Variants in TAF12 observed in about 807,000 individuals in gnomAD.
TAF12 encodes the protein transcription initiation factor TFIID subunit 12.
TAF12 carries 3 observed loss-of-function variants against 20.8 expected under a neutral mutation model. The ratio of observed to expected loss-of-function variants is 0.14; its 90% CI spans 0.07 to 0.37. The LOEUF (loss-of-function observed/expected upper bound fraction) is 0.37, where lower values mean the gene tolerates loss of function less well. Among genes scored for constraint, TAF12 ranks in the 10% least tolerant of loss-of-function variants. The pLI is 1.00. For missense variants in TAF12, 131 were observed against 197.9 expected, an observed-to-expected ratio of 0.66 and a Z score of 2.03; for synonymous variants, 69 against 70.2, an observed-to-expected ratio of 0.98 and a Z score of 0.09.
chr1:28,609,278 G>A (rs1054761297), intron 4 of TAF12, among the ~76,000 whole-genome samples: 6 of 151,726 alleles, frequency 4.0e-5, no homozygotes, highest in Non-Finnish European at 7.4e-5. Flanking sequence ...GTTTCTCCAC[G>A]TTGGTCAGGC....
At chr1:28,643,945 G>A (rs1032815498), upstream of TAF12, among the ~76,000 whole-genome samples, 3 of 152,028 alleles carry the variant, frequency 2.0e-5, no homozygotes, top group Admixed American at 1.3e-4. Context: ...CAGCTACTCC[G>A]GAGGCTGACG....
intron 1 of TAF12, among the ~76,000 whole-genome samples, chr1:28,634,405 G>A (rs1455096925): frequency 1.8e-5 from 2 of 112,720 alleles, no homozygotes; most frequent in Admixed American, 1.2e-4. Flanking sequence ...GACAGAGCGA[G>A]ACTCCATCTC....
At chr1:28,610,981 A>C (rs1478983959) in intron 4 of TAF12, among the ~76,000 whole-genome samples, 9 of 92,798 alleles carry the variant, frequency 9.7e-5, no homozygotes, top group Admixed American at 4.4e-4. Flanking sequence ...AAAAAAAAAA[A>C]AACACAGGTG....
At chr1:28,631,075 A>G (rs1023903860) in intron 1 of TAF12, among the ~76,000 whole-genome samples, 1 of 151,450 alleles carries the variant, frequency 6.6e-6, no homozygotes, top group African/African-American at 2.4e-5. Context: ...AAGATATGTC[A>G]TAGATTAGGA....
intron 3 of TAF12, among the ~76,000 whole-genome samples, chr1:28,616,059 C>T (rs1017870279): frequency 1.3e-5 from 2 of 152,146 alleles, no homozygotes; most frequent in Non-Finnish European, 2.9e-5. Flanking sequence ...CCAAATCCAT[C>T]AATTATACTT....
At chr1:28,632,701 G>A (rs1252903251) in intron 1 of TAF12, among the ~76,000 whole-genome samples, 1 of 152,080 alleles carries the variant, frequency 6.6e-6, no homozygotes, top group Non-Finnish European at 1.5e-5. Flanking sequence ...GTCTGGGGCA[G>A]AGGAGCGTTT....
At chr1:28,637,758 T>G (rs1453343857) in intron 1 of TAF12, among the ~76,000 whole-genome samples, 1 of 152,180 alleles carries the variant, frequency 6.6e-6, no homozygotes, top group East Asian at 1.9e-4. Context: ...AAAGTCTGTC[T>G]GCCTCCAACA....
At chr1:28,635,357 G>C (rs919556456) in intron 1 of TAF12, among the ~76,000 whole-genome samples, 1 of 117,906 alleles carries the variant, frequency 8.5e-6, no homozygotes, top group African/African-American at 3.3e-5. Flanking sequence ...CCAGGCTACA[G>C]TGCAGTGGCG....
At chr1:28,603,908 CTT>C (rs199949896) in intron 5 of TAF12, among the ~76,000 whole-genome samples, 11 of 143,636 alleles carry the variant, frequency 7.7e-5, no homozygotes, top group Non-Finnish European at 7.6e-5. Context: ...TTCTTTCTTT[CTT>C]TTTTTTTTTT....
At chr1:28,636,533 A>G (rs4252974) in intron 1 of TAF12, among the ~76,000 whole-genome samples, 3,434 of 151,180 alleles carry the variant, frequency 0.023, 56 homozygotes, top group Non-Finnish European at 0.035. Context: ...GCTCACACCT[A>G]TAATTCTAGC....
At chr1:28,639,457 T>G (rs1387736926) in intron 1 of TAF12, among the ~76,000 whole-genome samples, 1 of 131,922 alleles carries the variant, frequency 7.6e-6, no homozygotes, top group Non-Finnish European at 1.6e-5. Context: ...TATGTCCTTT[T>G]GTCCTTTGTT....
At chr1:28,617,915 T>C (rs774635291) in intron 3 of TAF12, 38 bp downstream of exon 3, 2 of 1,600,808 alleles carry the variant, frequency 1.2e-6, no homozygotes, top group Non-Finnish European at 1.7e-6. Flanking sequence ...ATACCGGTTC[T>C]CAGGGACCAG....
intron 1 of TAF12, among the ~76,000 whole-genome samples, chr1:28,640,857 T>C (rs1668006310): frequency 6.6e-6 from 1 of 151,954 alleles, no homozygotes; most frequent in Non-Finnish European, 1.5e-5. Flanking sequence ...GGGAGAATCA[T>C]TTGAGGCCAA....
At chr1:28,604,504 T>G (rs1385428247) in intron 5 of TAF12, among the ~76,000 whole-genome samples, 2 of 152,204 alleles carry the variant, frequency 1.3e-5, no homozygotes, top group Non-Finnish European at 2.9e-5. Context: ...ATTTGTCGAC[T>G]AAATAAATAG....
At chr1:28,620,492 G>C (rs1667185849) in intron 2 of TAF12, among the ~76,000 whole-genome samples, 1 of 151,494 alleles carries the variant, frequency 6.6e-6, no homozygotes, top group Non-Finnish European at 1.5e-5. Context: ...CTGGAGTGCA[G>C]TGGCGCAATC....
At chr1:28,620,765 G>C (rs1000740957) in intron 2 of TAF12, among the ~76,000 whole-genome samples, 3 of 152,172 alleles carry the variant, frequency 2.0e-5, no homozygotes, top group Middle Eastern at 3.4e-3. Flanking sequence ...AGTGAGCTAT[G>C]ATTATACCAT....
At chr1:28,647,236 A>G (rs1459820591), upstream of TAF12, among the ~76,000 whole-genome samples, 2 of 152,094 alleles carry the variant, frequency 1.3e-5, no homozygotes, top group African/African-American at 4.8e-5. Context: ...GCATTTTCAC[A>G]TTTTATAACA....
At chr1:28,628,390 C>CA (rs761511371) in intron 1 of TAF12, among the ~76,000 whole-genome samples, 5 of 151,042 alleles carry the variant, frequency 3.3e-5, no homozygotes, top group South Asian at 4.2e-4. Flanking sequence ...AAGCTGGTCA[C>CA]AAAAAAAACA....
intron 4 of TAF12, among the ~76,000 whole-genome samples, chr1:28,609,310 A>T (rs993595183): frequency 6.6e-6 from 1 of 152,014 alleles, no homozygotes; most frequent in African/African-American, 2.4e-5. Flanking sequence ...TCCTGACCTC[A>T]AGGGAAATGC....
Sources: gnomAD v4.1 joint callset for allele counts (sites outside exome capture counted in the v4.1 genomes callset) on GRCh38, gnomAD v4.1.1 for gene constraint, MANE v1.5 for transcripts, NCBI Gene and HGNC (gene_info 2026-07-23, HGNC 2026-07-21) for gene names.